Variants in SLC4A7 observed in about 807,000 individuals in gnomAD.
SLC4A7 encodes sodium bicarbonate cotransporter 3.
A neutral mutation model predicts 137.6 loss-of-function variants in SLC4A7; 51 were observed. The ratio of observed to expected loss-of-function variants is 0.37; its 90% confidence interval spans 0.30 to 0.47. The LOEUF (loss-of-function observed/expected upper bound fraction) is 0.47, where lower values mean the gene tolerates loss of function less well. Among genes scored for constraint, SLC4A7 ranks in the 20% least tolerant of loss-of-function variants. The probability of loss-of-function intolerance (pLI) is 1.00; values close to 1 mark genes in which losing one functional copy is unlikely to be tolerated. For missense variants in SLC4A7, 1,247 were observed against 1,525.4 expected, an observed-to-expected ratio of 0.82 and a Z score of 3.04; for synonymous variants, 542 against 518.6, an observed-to-expected ratio of 1.05 and a Z score of -0.61.
rs902910285 is a variant in SLC4A7 at position 27,375,357 on chromosome 3, C to G, written c.*1407G>C. On this transcript the variant is annotated 3_prime_UTR_variant, in exon 26 of 26. Coordinates refer to ENST00000454389, the MANE Select transcript of SLC4A7 (RefSeq NM_001321103.2). ...TGATTTTTGTAAATTATTCTCTTGTCAAATCAGTTTCACAACCCCATTCAT... is the reference window on the plus strand; with the variant it reads ...TGATTTTTGTAAATTATTCTCTTGTGAAATCAGTTTCACAACCCCATTCAT... 6.6e-6 allele frequency: 1 copy of G among 152,090 alleles called. No individual in the cohort carries two copies. Among genetic ancestry groups the G allele is most frequent in the Non-Finnish European group, 1.5e-5 (1 of 67,880 alleles). 9.4% of individuals were successfully genotyped at this position (152,090 alleles called of 1,614,324 possible).
intron 3 of SLC4A7, among the ~76,000 whole-genome samples, chr3:27,443,482 G>A (rs999802193): frequency 2.6e-5 from 4 of 151,726 alleles, no homozygotes; most frequent in African/African-American, 9.7e-5. Flanking sequence ...TTTGATTGAG[G>A]TCTGCTATTG....
Position 27,484,202 on chromosome 3 carries a change from C to A in SLC4A7, c.-76G>T. Reference sequence around the variant, plus strand: ...TGCCTGCTTCTGCCGCTGCCCCTGCCGCCGCCGCCGAGCCCCCGGCGCGCG... The same window carrying A: ...TGCCTGCTTCTGCCGCTGCCCCTGCAGCCGCCGCCGAGCCCCCGGCGCGCG... On this transcript the variant is annotated 5_prime_UTR_variant, in exon 1 of 26. Transcript: ENST00000454389. 1 of 1,135,370 alleles carries A rather than the reference C, an allele frequency of 8.8e-7. No homozygotes were observed. Among genetic ancestry groups the A allele is most frequent in the Non-Finnish European group, 1.1e-6 (1 of 901,032 alleles). 70.3% of individuals were successfully genotyped at this position (1,135,370 alleles called of 1,614,324 possible).
At position 27,418,637 on chromosome 3, in the gene SLC4A7, G is replaced by C; in HGVS notation, c.1513-5C>G. ...ATAAGCTACATCATGGAAAATCTAA[G>C]TGAAAAAAATATTGAGTAAAAGATT... is the stretch of plus-strand genomic sequence containing the variant. On this transcript the variant is annotated splice_polypyrimidine_tract_variant and splice_region_variant and intron_variant, in intron 10 of 25. Coordinates refer to ENST00000454389, the MANE Select transcript of SLC4A7 (RefSeq NM_001321103.2). The C allele has an allele frequency of 6.4e-7, 1 of 1,554,926 alleles. No homozygotes were observed. The highest frequency in any genetic ancestry group is 8.8e-7 in the Non-Finnish European group (1 of 1,139,960).
rs1158586472 is a variant in SLC4A7, at chr3:27,424,153, CTA to C, written c.1151-3_1151-2del. ...GCAGACTGGGGAGAGGCCAAAATAC[CTA>C]TGTTTAAAGACAAATTCCAAATTAG... On this transcript the variant is annotated splice_acceptor_variant and splice_polypyrimidine_tract_variant and intron_variant, in intron 7 of 25. Coordinates refer to ENST00000454389, the MANE Select transcript of SLC4A7 (RefSeq NM_001321103.2). LOFTEE classifies it high-confidence loss of function. 1 of 1,522,972 alleles carries C rather than the reference CTA, an allele frequency of 6.6e-7. No individual in the cohort carries two copies. Among genetic ancestry groups the C allele is most frequent in the Non-Finnish European group, 9.0e-7 (1 of 1,109,960 alleles). 94.3% of individuals were successfully genotyped at this position (1,522,972 alleles called of 1,614,324 possible).
At chr3:27,416,015 T>G (rs75678910) in intron 11 of SLC4A7, among the ~76,000 whole-genome samples, 5 of 152,234 alleles carry the variant, frequency 3.3e-5, no homozygotes, top group Non-Finnish European at 7.3e-5. Flanking sequence ...AACTTCATCT[T>G]ACATTTGTAT....
At chr3:27,439,696 A>T (rs775888278) in intron 3 of SLC4A7, among the ~76,000 whole-genome samples, 5 of 152,198 alleles carry the variant, frequency 3.3e-5, no homozygotes, top group Non-Finnish European at 7.4e-5. Context: ...TTTTCATTCC[A>T]ATCTGTATGC....
At chr3:27,464,761 T>C (rs1037218552) in intron 1 of SLC4A7, among the ~76,000 whole-genome samples, 7 of 151,298 alleles carry the variant, frequency 4.6e-5, no homozygotes, top group Non-Finnish European at 8.8e-5. Context: ...GACAGTCAAG[T>C]AAAAAGGGCT....
At chr3:27,474,737 A>G (rs2059395799) in intron 1 of SLC4A7, among the ~76,000 whole-genome samples, 1 of 152,194 alleles carries the variant, frequency 6.6e-6, no homozygotes, top group Admixed American at 6.5e-5. Flanking sequence ...CTGTCTCAAA[A>G]TAAATAAAGG....
At chr3:27,449,205 A>G (rs190303159) in intron 2 of SLC4A7, among the ~76,000 whole-genome samples, 150 of 152,106 alleles carry the variant, frequency 9.9e-4, no homozygotes, top group African/African-American at 3.5e-3. Context: ...TGGCCTAAAA[A>G]GATATCTTAA....
intron 2 of SLC4A7, among the ~76,000 whole-genome samples, chr3:27,449,047 C>G (rs1009886519): frequency 4.6e-5 from 7 of 150,846 alleles, no homozygotes; most frequent in Non-Finnish European, 7.4e-5. Flanking sequence ...AAAAAGATAT[C>G]TTTTTTTTTG....
chr3:27,448,364 T>G (rs568451271), intron 3 of SLC4A7, among the ~76,000 whole-genome samples: 55 of 152,118 alleles, frequency 3.6e-4, no homozygotes, highest in Non-Finnish European at 6.8e-4. Flanking sequence ...CCTAAGTGAC[T>G]AGGCATAACT....
intron 3 of SLC4A7, among the ~76,000 whole-genome samples, chr3:27,438,278 G>A (rs1007013615): frequency 6.6e-5 from 10 of 150,892 alleles, no homozygotes; most frequent in East Asian, 2.0e-4. Flanking sequence ...AGGCCGAGGC[G>A]GTTGGATCAT....
intron 1 of SLC4A7, among the ~76,000 whole-genome samples, chr3:27,462,168 G>A (rs775326657): frequency 1.3e-5 from 2 of 152,094 alleles, no homozygotes; most frequent in Non-Finnish European, 2.9e-5. Flanking sequence ...AAGATAGGGA[G>A]ACACAGACAC....
intron 25 of SLC4A7, among the ~76,000 whole-genome samples, chr3:27,377,679 C>G (rs2050029149): frequency 6.6e-6 from 1 of 152,216 alleles, no homozygotes; most frequent in Non-Finnish European, 1.5e-5. Flanking sequence ...AGGCCTGAAC[C>G]ACTGCACCCG....
chr3:27,466,501 T>C (rs904883298), intron 1 of SLC4A7, among the ~76,000 whole-genome samples: 6 of 151,578 alleles, frequency 4.0e-5, no homozygotes, highest in Admixed American at 3.9e-4. Context: ...ACAATTTTAA[T>C]TATGAGAAGA....
At chr3:27,429,929 G>C (rs1168349628) in intron 7 of SLC4A7, among the ~76,000 whole-genome samples, 1 of 151,294 alleles carries the variant, frequency 6.6e-6, no homozygotes, top group Non-Finnish European at 1.5e-5. Flanking sequence ...TAGAAAAAAA[G>C]GTATGGCTGG....
In SLC4A7 at chr3:27,440,084, T is replaced by C. The variant is rs564938190; in HGVS notation, c.290-2558A>G. Among the ~76,000 whole-genome samples the C allele has an allele frequency of 3.9e-5, 6 of 152,298 alleles. No homozygotes were observed. In the South Asian group the frequency reaches 6.2e-4, roughly 16 times the overall value. ...CCTTATGTTCCTAGCTTGGCCATCA[T>C]GCTAGTAACAAATTTAATCCACAAA... On this transcript the variant is annotated intron_variant, in intron 3 of 25. Transcript: ENST00000454389.
At chr3:27,380,625 G>A (rs1201266285) in intron 24 of SLC4A7, among the ~76,000 whole-genome samples, 1 of 152,142 alleles carries the variant, frequency 6.6e-6, no homozygotes, top group Non-Finnish European at 1.5e-5. Flanking sequence ...TGACTAAACA[G>A]CAGTCATTTA....
rs1302404826 is a variant in SLC4A7 at position 27,409,981 on chromosome 3, G to A, written c.1767-451C>T. The stretch of plus-strand genomic sequence containing the variant: ...ATACACTTTAATATAAATGTAGTAT[G>A]TTGTGCTTAGATGCACAAGTGGTAT... On this transcript the variant is annotated intron_variant, in intron 12 of 25. Transcript: ENST00000454389. 2.6e-5 allele frequency among the ~76,000 whole-genome samples: 4 copies of A among 152,330 alleles called. No individual in the cohort carries two copies. The East Asian group carries it at 7.7e-4, about 29-fold the overall frequency.
Sources: gnomAD v4.1 joint callset for allele counts (sites outside exome capture counted in the v4.1 genomes callset) on GRCh38, gnomAD v4.1.1 for gene constraint, MANE v1.5 for transcripts, NCBI Gene and HGNC (gene_info 2026-07-23, HGNC 2026-07-21) for gene names.